UBR4: variants seen among roughly 807,000 people sequenced by gnomAD.
The protein encoded by UBR4 is ubiquitin protein ligase E3 component n-recognin 4.
Under a neutral mutation model 575.6 loss-of-function variants are expected in UBR4, and 124 were observed. The observed-to-expected ratio is 0.22, with a 90% CI of 0.19 to 0.25. The LOEUF is 0.25. Among genes scored for constraint, UBR4 ranks in the 10% least tolerant of loss-of-function variants. The pLI is 1.00. For synonymous variants in UBR4, 2,455 were observed against 2,473.7 expected (o/e 0.99, Z 0.22); for missense variants, 4,818 against 6,478.8 (o/e 0.74, Z 8.80).
chr1:19,150,649 A>T lies in UBR4; in HGVS notation c.7358T>A (p.Leu2453Gln). The change falls in exon 49 of 106, where the codon CTG (leucine) becomes CAG (glutamine). Residue 2453 changes from leucine to glutamine, a missense_variant. Physicochemically the swap from Leu to Gln is moderately radical, Grantham distance 113 (BLOSUM62 -2). Around this residue, in one of 29 missense-constraint regions of UBR4, gnomAD observed 340 missense variants for 375.4 expected, o/e 0.91. Coordinates refer to ENST00000375254, the MANE Select transcript of UBR4 (RefSeq NM_020765.3). ...ATCTCCAGTGCCGTTGCTCTGGTTCAGATTTGAAGGGCAGATGTTGCTGAC... is the reference window on the plus strand; with the variant it reads ...ATCTCCAGTGCCGTTGCTCTGGTTCTGATTTGAAGGGCAGATGTTGCTGAC... Reference protein sequence around the residue: ...ASVSNICPSNLNQSNGTGDSD... With the variant: ...ASVSNICPSNQNQSNGTGDSD... The T allele has an allele frequency of 6.2e-7, 1 of 1,614,148 alleles. No individual in the cohort carries two copies. Among genetic ancestry groups the T allele is most frequent in the Non-Finnish European group, 8.5e-7 (1 of 1,180,028 alleles).
intron 77 of UBR4, chr1:19,113,333 C>T (rs2080117096): frequency 3.3e-6 from 1 of 300,876 alleles, no homozygotes; most frequent in South Asian, 4.7e-5. Flanking sequence ...ATGCCCTTAC[C>T]CTACAGCCTG....
At chr1:19,141,285 G>T in intron 57 of UBR4, 62 bp downstream of exon 57, 1 of 1,609,944 alleles carries the variant, frequency 6.2e-7, no homozygotes. Flanking sequence ...ATCAGTAACT[G>T]CCAAACCCTC....
chr1:19,153,485 A>C lies in UBR4; in HGVS notation c.6648T>G (p.Ala2216=). 1 of 1,614,114 alleles carries C rather than the reference A, an allele frequency of 6.2e-7. No individual in the cohort carries two copies. The highest frequency in any genetic ancestry group is 1.7e-5 in the Admixed American group (1 of 60,026). The change falls in exon 46 of 106, where the codon GCT becomes GCG. Residue 2216 remains alanine, a synonymous_variant. Transcript: ENST00000375254. The surrounding 1 kb of genome is among the most constrained non-coding windows in gnomAD (Gnocchi z 4.1). ...PAKAKIQDMV[A]IRHTACNEQQ... Reference sequence around the variant, plus strand: ...GCTCATTGCAGGCCGTGTGCCTAATAGCAACCATGTCTTGGATCTAGGAGG... The same window carrying C: ...GCTCATTGCAGGCCGTGTGCCTAATCGCAACCATGTCTTGGATCTAGGAGG...
chr1:19,205,943 T>C (rs2092984625), intron 1 of UBR4, among the ~76,000 whole-genome samples: 1 of 152,144 alleles, frequency 6.6e-6, no homozygotes. Flanking sequence ...AAAGAGTCAA[T>C]CAAATTGTCG....
rs55820713 is a variant in UBR4, at chr1:19,195,969, TACACACACACACAC to T, written c.1018+1158_1018+1171del. On this transcript the variant is annotated intron_variant, in intron 8 of 105. Coordinates refer to ENST00000375254, the MANE Select transcript of UBR4 (RefSeq NM_020765.3). ...GCCATAAAACCTACAGACTTACTTA[TACACACACACACAC>T]ACACACACACACACACACACACACA... 5.9e-3 allele frequency among the ~76,000 whole-genome samples: 791 copies of T among 134,138 alleles called. 15 individuals carry two copies. The East Asian group carries it at 0.067, about 11-fold the overall frequency. 88.0% of individuals were successfully genotyped at this position (134,138 alleles called of 152,430 possible).
intron 3 of UBR4, 56 bp downstream of exon 3, chr1:19,199,595 T>C: frequency 1.3e-6 from 2 of 1,506,326 alleles, no homozygotes; most frequent in South Asian, 2.3e-5. Flanking sequence ...TCTATTCCAC[T>C]AGTCAGTCAC....
At position 19,157,955 on chromosome 1, in the gene UBR4, G is replaced by A. The variant is rs746129496; in HGVS notation, c.5620C>T (p.Arg1874Trp). 2.5e-6 allele frequency: 4 copies of A among 1,613,880 alleles called. No homozygotes were observed. The highest frequency in any genetic ancestry group is 1.7e-5 in the Admixed American group (1 of 60,018). Reference sequence around the variant, plus strand: ...CCCTGGTCTCCACTGTAATTCATCCGCACATTCTCAAAGGCACCTTCCTGG... The same window carrying A: ...CCCTGGTCTCCACTGTAATTCATCCACACATTCTCAAAGGCACCTTCCTGG... ...GSQEGAFENVRMNYSGDQGQT... is the reference protein window; with the variant it reads ...GSQEGAFENVWMNYSGDQGQT... The change falls in exon 40 of 106, where the codon CGG becomes TGG. Residue 1874 changes from arginine to tryptophan, a missense_variant. Physicochemically the swap from Arg to Trp is moderately radical, Grantham distance 101 (BLOSUM62 -3). Around this residue, in one of 29 missense-constraint regions of UBR4, gnomAD observed 15 missense variants for 60.6 expected, o/e 0.25. Transcript: ENST00000375254. The surrounding 1 kb of genome is among the most constrained non-coding windows in gnomAD (Gnocchi z 4.4).
intron 17 of UBR4, among the ~76,000 whole-genome samples, chr1:19,180,004 C>T (rs1431359817): frequency 2.6e-5 from 4 of 152,142 alleles, no homozygotes; most frequent in Admixed American, 6.5e-5. Context: ...TGTCGCTGGC[C>T]TCAAGAGCAG....
rs2080877211 is a variant in UBR4 at position 19,118,889 on chromosome 1, G to C, written c.10524C>G (p.Pro3508=). The C allele has an allele frequency of 6.2e-7, 1 of 1,614,156 alleles. No homozygotes were observed. Among genetic ancestry groups the C allele is most frequent in the African/African-American group, 1.3e-5 (1 of 75,040 alleles). The change falls in exon 71 of 106, where the codon CCC becomes CCG. Residue 3508 remains proline, a synonymous_variant. Coordinates refer to ENST00000375254, the MANE Select transcript of UBR4 (RefSeq NM_020765.3). The stretch of plus-strand genomic sequence containing the variant: ...AAGCTCACTTATAAATGTTCGAGTT[G>C]GGGTGGTTGGTAAGAATATGGTTTT... ...RTQNHILTNH[P]NSNIYNTLSG...
In UBR4 at chr1:19,112,508, T is replaced by C. The variant is rs979162235; in HGVS notation, c.11801+16A>G. 1.3e-6 allele frequency: 2 copies of C among 1,590,554 alleles called. No homozygotes were observed. The highest frequency in any genetic ancestry group is 1.7e-6 in the Non-Finnish European group (2 of 1,166,736). On this transcript the variant is annotated intron_variant, in intron 78 of 105. Transcript: ENST00000375254. Reference sequence around the variant, plus strand: ...GTAGGAACCACTAGGCCCATAACCATGGTGTAGGTACTGACCGAGTTAGGA... The same window carrying C: ...GTAGGAACCACTAGGCCCATAACCACGGTGTAGGTACTGACCGAGTTAGGA...
chr1:19,194,069 A>AT (rs1420045089), intron 8 of UBR4, among the ~76,000 whole-genome samples: 1 of 152,176 alleles, frequency 6.6e-6, no homozygotes, highest in African/African-American at 2.4e-5. Context: ...GGCAAAGGGG[A>AT]TTTTTAGGAT....
chr1:19,104,622 G>C lies in UBR4; in HGVS notation c.12690C>G (p.Thr4230=). The part of the protein sequence containing the change: ...LLALEEATLS[T]DLQQGYALKS... The stretch of plus-strand genomic sequence containing the variant: ...TAAGGGCATAACCCTGCTGCAGATC[G>C]GTACTCAGGGTAGCCTCCTCCAGGG... The change falls in exon 86 of 106, where the codon ACC becomes ACG. Residue 4230 remains threonine, a synonymous_variant. Transcript: ENST00000375254. 1 of 1,614,084 alleles carries C rather than the reference G, an allele frequency of 6.2e-7. No homozygotes were observed.
chr1:19,157,575 C>A lies in UBR4; in HGVS notation c.5760+240G>T, dbSNP rs75708677. The stretch of plus-strand genomic sequence containing the variant: ...TTTTTCCTGAGGGCTTTGAAGAATA[C>A]GTTTTGAGTGGAAATTTACTAATTA... On this transcript the variant is annotated intron_variant, in intron 40 of 105. Coordinates refer to ENST00000375254, the MANE Select transcript of UBR4 (RefSeq NM_020765.3). This position sits in a 1 kb window ranked among gnomAD's most constrained non-coding sequence, Gnocchi z 4.4. 6.6e-6 allele frequency among the ~76,000 whole-genome samples: 1 copy of A among 152,166 alleles called. No individual in the cohort carries two copies. Among genetic ancestry groups the A allele is most frequent in the African/African-American group, 2.4e-5 (1 of 41,444 alleles).
At chr1:19,107,647 C>T (rs553039780) in intron 81 of UBR4, among the ~76,000 whole-genome samples, 3 of 151,822 alleles carry the variant, frequency 2.0e-5, no homozygotes, top group East Asian at 1.9e-4. Flanking sequence ...TAGCTGGGCA[C>T]GGTAGTATAT....
At chr1:19,097,306 T>G (rs758323787) in intron 90 of UBR4, 26 bp from the exon 91 acceptor site, 56 of 1,607,312 alleles carry the variant, frequency 3.5e-5, no homozygotes, top group Middle Eastern at 1.7e-4. Context: ...TGGAGAAAGG[T>G]ACTTAAAAAC....
Position 19,137,722 on chromosome 1 carries a change from G to A in UBR4, c.8906+285C>T, listed in dbSNP as rs571719951. Among the ~76,000 whole-genome samples the A allele has an allele frequency of 2.0e-5, 3 of 152,240 alleles. No individual in the cohort carries two copies. In the East Asian group the frequency reaches 5.8e-4, roughly 29 times the overall value. The stretch of plus-strand genomic sequence containing the variant: ...GATGAAACTGGAAAGATTTGAGTAA[G>A]GAAGACATGTTTTTATGACAATCAC... On this transcript the variant is annotated intron_variant, in intron 60 of 105. Transcript: ENST00000375254.
intron 48 of UBR4, chr1:19,151,190 T>C: frequency 3.1e-6 from 1 of 321,268 alleles, no homozygotes; most frequent in Non-Finnish European, 5.8e-6. Context: ...GGCCAATAAA[T>C]GACAGAGAAA....
chr1:19,145,869 G>A lies in UBR4; in HGVS notation c.7869C>T (p.Thr2623=). Residue 2623 remains threonine (T), a synonymous_variant, in exon 53 of 106, where the codon ACC becomes ACT. Coordinates refer to ENST00000375254, the MANE Select transcript of UBR4 (RefSeq NM_020765.3). ...QLEGDCCSFI[T]QLVNHFWKLH... The stretch of plus-strand genomic sequence containing the variant: ...GTTTCCAGAAGTGGTTCACAAGCTG[G>A]GTGATGAAACTACAGCAATCTCCTT... The A allele has an allele frequency of 1.2e-6, 2 of 1,614,136 alleles. No individual in the cohort carries two copies. Among genetic ancestry groups the A allele is most frequent in the East Asian group, 4.5e-5 (2 of 44,880 alleles).
At position 19,185,417 on chromosome 1, in the gene UBR4, G is replaced by T. The variant is rs567459857; in HGVS notation, c.1751-131C>A. 11 of 875,522 alleles carry T rather than the reference G, an allele frequency of 1.3e-5. No homozygotes were observed. The African/African-American group carries it at 1.9e-4, about 15-fold the overall frequency. The allele number at this position is 875,522 out of a possible 1,614,324, so 54.2% of individuals were successfully genotyped here. On this transcript the variant is annotated intron_variant, in intron 14 of 105. Coordinates refer to ENST00000375254, the MANE Select transcript of UBR4 (RefSeq NM_020765.3). The stretch of plus-strand genomic sequence containing the variant: ...CAATTGTGATGATGGTTACAAGATT[G>T]CATTTGTGTATCAAAACTCATCTAA...
Sources: gnomAD v4.1 joint callset for allele counts (sites outside exome capture counted in the v4.1 genomes callset) on GRCh38, gnomAD v4.1.1 for gene constraint, gnomAD v4.1.1 regional missense constraint, Gnocchi (gnomAD v3.1) non-coding constraint, MANE v1.5 for transcripts, NCBI Gene and HGNC (gene_info 2026-07-23, HGNC 2026-07-21) for gene names.